The following RAD51B variants were observed in gnomAD, a reference collection of about 807,000 sequenced individuals.
RAD51B encodes RAD51 paralog B.
A neutral mutation model predicts 42.2 loss-of-function variants in RAD51B; 38 were observed. The observed-to-expected ratio is 0.90, with a 90% CI of 0.70 to 1.18. The LOEUF (loss-of-function observed/expected upper bound fraction) is 1.18, where lower values mean the gene tolerates loss of function less well. Among genes scored for constraint, RAD51B ranks in the 50% most tolerant of loss-of-function variants. RAD51B has a pLI of 0.00. For synonymous variants in RAD51B, 154 were observed against 145.2 expected (o/e 1.06, Z -0.43); for missense variants, 373 against 400.7 (o/e 0.93, Z 0.59).
intron 7 of RAD51B, among the ~76,000 whole-genome samples, chr14:67,899,053 CT>C (rs2043518487): frequency 2.7e-5 from 4 of 150,078 alleles, no homozygotes; most frequent in African/African-American, 9.8e-5. Context: ...TCTTTTTTTT[CT>C]TTTTTTGAGT....
At chr14:68,011,566 C>G (rs2075684074) in intron 7 of RAD51B, among the ~76,000 whole-genome samples, 2 of 152,058 alleles carry the variant, frequency 1.3e-5, no homozygotes, top group African/African-American at 4.8e-5. Context: ...CACTGAGCAG[C>G]ATCTTCGTAG....
At chr14:67,832,837 C>T (rs1438164907) in intron 3 of RAD51B, among the ~76,000 whole-genome samples, 3 of 151,956 alleles carry the variant, frequency 2.0e-5, no homozygotes, top group African/African-American at 4.8e-5. Context: ...AGACCATTAA[C>T]AAAGGGAGGT....
At chr14:68,212,741 A>G (rs1259789583) in intron 7 of RAD51B, among the ~76,000 whole-genome samples, 1 of 152,228 alleles carries the variant, frequency 6.6e-6, no homozygotes. Context: ...GCAAATTTTT[A>G]GAGTGGATTA....
intron 7 of RAD51B, among the ~76,000 whole-genome samples, chr14:68,230,247 A>C (rs892926707): frequency 3.9e-5 from 6 of 152,326 alleles, no homozygotes; most frequent in African/African-American, 1.4e-4. Flanking sequence ...CTGAAAGGAA[A>C]AAAGAGTAAT....
At chr14:68,104,939 T>C (rs2077351628) in intron 7 of RAD51B, among the ~76,000 whole-genome samples, 1 of 152,140 alleles carries the variant, frequency 6.6e-6, no homozygotes, top group Non-Finnish European at 1.5e-5. Context: ...ATAAAGTTTA[T>C]ACTTTACTAG....
At chr14:67,995,105 C>A (rs759333555) in intron 7 of RAD51B, among the ~76,000 whole-genome samples, 5 of 151,912 alleles carry the variant, frequency 3.3e-5, no homozygotes, top group Admixed American at 2.0e-4. Flanking sequence ...AAGACACACT[C>A]GGCCGGGCAT....
intron 10 of RAD51B, among the ~76,000 whole-genome samples, chr14:68,553,615 G>A (rs1888683380): frequency 6.6e-6 from 1 of 151,616 alleles, no homozygotes; most frequent in South Asian, 2.1e-4. Flanking sequence ...TGGCAGCATT[G>A]AGCACCTAGG....
At chr14:68,153,225 CA>C (rs1302381185) in intron 7 of RAD51B, among the ~76,000 whole-genome samples, 3 of 152,116 alleles carry the variant, frequency 2.0e-5, no homozygotes, top group Non-Finnish European at 2.9e-5. Context: ...TTTAAATATA[CA>C]TTAGTTATAA....
At chr14:68,083,876 T>C (rs2076948857) in intron 7 of RAD51B, among the ~76,000 whole-genome samples, 1 of 152,188 alleles carries the variant, frequency 6.6e-6, no homozygotes, top group African/African-American at 2.4e-5. Context: ...TTATGAACTA[T>C]ATTAACTTAC....
intron 7 of RAD51B, among the ~76,000 whole-genome samples, chr14:67,961,325 A>G (rs2074661559): frequency 6.6e-6 from 1 of 152,098 alleles, no homozygotes; most frequent in Non-Finnish European, 1.5e-5. Flanking sequence ...TTTTTTCGAT[A>G]CAGTTTTGAT....
chr14:67,874,523 G>A lies in RAD51B; in HGVS notation c.452+9384G>A, dbSNP rs114188127. ...TCCTCTGGGGCCCAAGGATATCAAA[G>A]TTGGACACCCTTGAATTAGATAATT... On this transcript the variant is annotated intron_variant, in intron 5 of 10. Coordinates refer to ENST00000471583, the MANE Select transcript of RAD51B (RefSeq NM_133510.4). Among the ~76,000 whole-genome samples the A allele has an allele frequency of 9.0e-3, 1,368 of 152,072 alleles. 22 individuals are homozygous for A. The highest frequency in any genetic ancestry group is 0.031 in the African/African-American group (1,294 of 41,440).
intron 8 of RAD51B, among the ~76,000 whole-genome samples, chr14:68,307,420 G>A (rs1466944634): frequency 2.0e-5 from 3 of 152,178 alleles, no homozygotes; most frequent in African/African-American, 7.2e-5. Flanking sequence ...CCTTACTTAG[G>A]TAATCAGATT....
intron 7 of RAD51B, among the ~76,000 whole-genome samples, chr14:68,056,295 A>T (rs945014188): frequency 2.0e-5 from 3 of 152,034 alleles, no homozygotes; most frequent in African/African-American, 7.2e-5. Context: ...AGTAGCAGGG[A>T]TGCCACCATG....
At chr14:68,354,293 G>A (rs541175948) in intron 8 of RAD51B, among the ~76,000 whole-genome samples, 5 of 144,482 alleles carry the variant, frequency 3.5e-5, no homozygotes, top group Non-Finnish European at 6.0e-5. Context: ...TTCGGCTCAC[G>A]GCAACCTTCA....
intron 7 of RAD51B, among the ~76,000 whole-genome samples, chr14:68,036,016 A>C (rs72725171): frequency 6.6e-6 from 1 of 152,370 alleles, no homozygotes; most frequent in Non-Finnish European, 1.5e-5. Flanking sequence ...AAGAAAGCTT[A>C]TCAAGCTTTT....
At chr14:67,993,254 AC>A (rs2075325577) in intron 7 of RAD51B, among the ~76,000 whole-genome samples, 2 of 152,080 alleles carry the variant, frequency 1.3e-5, no homozygotes, top group South Asian at 4.2e-4. Context: ...AACTATACTC[AC>A]CCTGTTGTGC....
intron 4 of RAD51B, among the ~76,000 whole-genome samples, chr14:67,854,220 A>G (rs1456045899): frequency 6.6e-6 from 1 of 152,242 alleles, no homozygotes; most frequent in Non-Finnish European, 1.5e-5. Context: ...TGTGCTTTAT[A>G]CATAAAAGAG....
In RAD51B at chr14:68,362,624, C is replaced by T. The variant is rs138737970; in HGVS notation, c.854-48800C>T. ...CAACACTTTGGGAGGCCAAGGTGGG[C>T]GGATCACGAGATCAGGAGATCGAGA... is the stretch of plus-strand genomic sequence containing the variant. On this transcript the variant is annotated intron_variant, in intron 8 of 10. Transcript: ENST00000471583. Among the ~76,000 whole-genome samples the T allele has an allele frequency of 6.2e-3, 940 of 152,166 alleles. 7 individuals are homozygous for T. Among genetic ancestry groups the T allele is most frequent in the Admixed American group, 0.022 (334 of 15,288 alleles).
At chr14:68,142,276 C>G (rs542366594) in intron 7 of RAD51B, among the ~76,000 whole-genome samples, 1 of 152,206 alleles carries the variant, frequency 6.6e-6, no homozygotes, top group East Asian at 1.9e-4. Flanking sequence ...TGATTTACAT[C>G]TACCTACCCC....
Sources: allele counts gnomAD v4.1 joint callset (sites outside exome capture counted in the v4.1 genomes callset), GRCh38; gene constraint gnomAD v4.1.1; transcripts MANE v1.5; gene names NCBI Gene and HGNC (gene_info 2026-07-23, HGNC 2026-07-21).